Variants in MICALL1 observed in about 807,000 individuals in gnomAD.
MICALL1 encodes MICAL-like protein 1.
Under a neutral mutation model 83.7 loss-of-function variants are expected in MICALL1, and 61 were observed. That is an observed-to-expected ratio of 0.73 (90% CI 0.59 to 0.90). The LOEUF (loss-of-function observed/expected upper bound fraction) is 0.90. Ranked by LOEUF, MICALL1 falls within the 40% of genes least tolerant of loss-of-function variation. The pLI is 0.00. For missense variants in MICALL1, 1,066 were observed against 1,152.0 expected (o/e 0.93, Z 1.08); for synonymous variants, 481 against 473.6 (o/e 1.02, Z -0.20).
chr22:37,929,190 G>A (rs1418907870), intron 9 of MICALL1, among the ~76,000 whole-genome samples: 3 of 152,130 alleles, frequency 2.0e-5, no homozygotes, highest in Non-Finnish European at 4.4e-5. Context: ...TGGGCATTTT[G>A]GAAGGTGACC....
chr22:37,937,291 A>G, intron 14 of MICALL1, 97 bp downstream of exon 14: 1 of 1,046,822 alleles, frequency 9.6e-7, no homozygotes. Context: ...AGCCAAAGAC[A>G]CAGTCCACGC....
At chr22:37,908,099 G>A (rs1004708681) in intron 1 of MICALL1, among the ~76,000 whole-genome samples, 2 of 152,082 alleles carry the variant, frequency 1.3e-5, no homozygotes, top group African/African-American at 4.8e-5. Context: ...AATAAAGGCC[G>A]CCTGGTTTGT....
chr22:37,922,712 C>T (rs1319897777), intron 6 of MICALL1, among the ~76,000 whole-genome samples: 11 of 138,858 alleles, frequency 7.9e-5, no homozygotes, highest in Admixed American at 2.2e-4. Context: ...CGGGTTCAAG[C>T]GATTCTCCTG....
chr22:37,928,397 G>A (rs1333120116), intron 9 of MICALL1, among the ~76,000 whole-genome samples: 3 of 151,878 alleles, frequency 2.0e-5, no homozygotes, highest in African/African-American at 7.3e-5. Flanking sequence ...TAGTAGAGAC[G>A]GGGTTTCACC....
chr22:37,906,575 G>A lies in MICALL1; in HGVS notation c.146+7G>A. ...GGCACCGGCCCGACCTGCTGTGAGT[G>A]CGGGGCCCCGGGCGAGCGGGCGGCG... On this transcript the variant is annotated splice_region_variant and intron_variant, in intron 1 of 15. Coordinates refer to ENST00000215957, the MANE Select transcript of MICALL1 (RefSeq NM_033386.4). The surrounding 1 kb of genome is among the most constrained non-coding windows in gnomAD (Gnocchi z 4.4). 1 of 1,168,824 alleles carries A rather than the reference G, an allele frequency of 8.6e-7. No individual in the cohort carries two copies. Among genetic ancestry groups the A allele is most frequent in the Non-Finnish European group, 1.1e-6 (1 of 941,686 alleles). 72.4% of individuals were successfully genotyped at this position (1,168,824 alleles called of 1,614,324 possible).
intron 1 of MICALL1, among the ~76,000 whole-genome samples, chr22:37,910,260 G>A (rs1021088383): frequency 1.3e-5 from 2 of 152,132 alleles, no homozygotes; most frequent in African/African-American, 4.8e-5. Flanking sequence ...AAACATTTAC[G>A]GAGCATCTTC....
chr22:37,911,908 T>C, intron 1 of MICALL1, 44 bp from the exon 2 acceptor site: 1 of 1,605,462 alleles, frequency 6.2e-7, no homozygotes, highest in Non-Finnish European at 8.5e-7. Flanking sequence ...TATTTCCCAG[T>C]CACCTCCCCT....
At chr22:37,923,739 G>A (rs538258211) in intron 6 of MICALL1, among the ~76,000 whole-genome samples, 10 of 152,234 alleles carry the variant, frequency 6.6e-5, no homozygotes, top group South Asian at 4.2e-4. Flanking sequence ...GTGTGTCCCC[G>A]AGCTCTCTGG....
At position 37,930,963 on chromosome 22, in the gene MICALL1, T is replaced by C. The variant is rs73886204; in HGVS notation, c.1882-836T>C. 0.034 allele frequency among the ~76,000 whole-genome samples: 5,186 copies of C among 152,276 alleles called. 280 individuals are homozygous for C. Among genetic ancestry groups the C allele is most frequent in the African/African-American group, 0.11 (4,755 of 41,546 alleles). ...TAGCTCTGTCTTGCCTTAAACCCAA[T>C]GCCATTCTGTGCTTCTAGGGAAACC... On this transcript the variant is annotated intron_variant, in intron 9 of 15. Transcript: ENST00000215957. This position sits in a 1 kb window ranked among gnomAD's most constrained non-coding sequence, Gnocchi z 4.8.
chr22:37,922,165 G>A lies in MICALL1; in HGVS notation c.763G>A (p.Gly255Ser). 3 of 1,613,064 alleles carry A rather than the reference G, an allele frequency of 1.9e-6. No individual in the cohort carries two copies. Among genetic ancestry groups the A allele is most frequent in the Non-Finnish European group, 2.5e-6 (3 of 1,179,972 alleles). The change falls in exon 6 of 16, where the codon GGC becomes AGC. Residue 255 changes from glycine to serine, a missense_variant. By Grantham distance (56) the Gly-to-Ser change is moderately conservative (BLOSUM62 0). Coordinates refer to ENST00000215957, the MANE Select transcript of MICALL1 (RefSeq NM_033386.4). ...AGAAGATGCCAAGGATGTTCCAGGA[G>A]GCGGCCCCAGCTCCAGTGCTCCTGC... is the stretch of plus-strand genomic sequence containing the variant. ...LAEDAKDVPG[G>S]GPSSSAPAGA...
chr22:37,937,248 T>A, intron 14 of MICALL1, 54 bp downstream of exon 14: 5 of 1,397,224 alleles, frequency 3.6e-6, no homozygotes, highest in South Asian at 2.5e-5. Flanking sequence ...CAGGTCAGGC[T>A]CTGGGCCTCA....
At position 37,927,470 on chromosome 22, in the gene MICALL1, C is replaced by T. The variant is rs1460265016; in HGVS notation, c.1525C>T (p.Leu509Phe). The change falls in exon 9 of 16, where the codon CTC becomes TTC. Residue 509 changes from leucine (L) to phenylalanine (F), a missense_variant. Coordinates refer to ENST00000215957, the MANE Select transcript of MICALL1 (RefSeq NM_033386.4). Reference sequence around the variant, plus strand: ...GCCCTCGGCCACACCATCGCCAGCGCTCAGCGTGGAGAGCCTGTCGTCTGA... The same window carrying T: ...GCCCTCGGCCACACCATCGCCAGCGTTCAGCGTGGAGAGCCTGTCGTCTGA... ...EPPSATPSPALSVESLSSESA... is the reference protein window; with the variant it reads ...EPPSATPSPAFSVESLSSESA... The T allele has an allele frequency of 1.2e-6, 2 of 1,608,744 alleles. No individual in the cohort carries two copies. Among genetic ancestry groups the T allele is most frequent in the Admixed American group, 1.7e-5 (1 of 59,940 alleles).
chr22:37,909,332 G>GCGTGAGCCACCATGCCTGA (rs1928165726), intron 1 of MICALL1, among the ~76,000 whole-genome samples: 1 of 151,622 alleles, frequency 6.6e-6, no homozygotes, highest in Non-Finnish European at 1.5e-5. Flanking sequence ...GGGATTACAG[G>GCGTGAGCCACCATGCCTGA]CGTGAGCCAC....
chr22:37,924,995 T>C lies in MICALL1; in HGVS notation c.1082+278T>C, dbSNP rs528586868. 6.6e-6 allele frequency among the ~76,000 whole-genome samples: 1 copy of C among 152,260 alleles called. No homozygotes were observed. The highest frequency in any genetic ancestry group is 2.1e-4 in the South Asian group (1 of 4,828). On this transcript the variant is annotated intron_variant, in intron 7 of 15. Coordinates refer to ENST00000215957, the MANE Select transcript of MICALL1 (RefSeq NM_033386.4). This position sits in a 1 kb window ranked among gnomAD's most constrained non-coding sequence, Gnocchi z 5.2. Reference sequence around the variant, plus strand: ...TGCCTCTCCAGGCTCCTTTGCCCTGTAACATGGGAGGCCGAGGCTTGATTA... The same window carrying C: ...TGCCTCTCCAGGCTCCTTTGCCCTGCAACATGGGAGGCCGAGGCTTGATTA...
At position 37,924,763 on chromosome 22, in the gene MICALL1, G is replaced by A. The variant is rs755539505; in HGVS notation, c.1082+46G>A. On this transcript the variant is annotated intron_variant, in intron 7 of 15. Transcript: ENST00000215957. This position sits in a 1 kb window ranked among gnomAD's most constrained non-coding sequence, Gnocchi z 5.2. ...CTTTCCTGCTTTGGAGGTCCTGGTG[G>A]TGGGAATCAGGGTACTCTGGGGCCG... The A allele has an allele frequency of 6.3e-7, 1 of 1,595,914 alleles. No individual in the cohort carries two copies. The highest frequency in any genetic ancestry group is 1.7e-5 in the Admixed American group (1 of 59,182).
In MICALL1 at chr22:37,938,284, C is replaced by T. The variant is rs140952650; in HGVS notation, c.2470+492C>T. Among the ~76,000 whole-genome samples, 173 of 151,872 alleles carry T rather than the reference C, an allele frequency of 1.1e-3. 3 individuals are homozygous for T. Among genetic ancestry groups the T allele is most frequent in the African/African-American group, 4.0e-3 (166 of 41,446 alleles). ...AGGCGTGGTGGCGAGAGCTTGTAGTCCCAGCTACTCGGGAGGCTGGGGCAG... is the reference window on the plus strand; with the variant it reads ...AGGCGTGGTGGCGAGAGCTTGTAGTTCCAGCTACTCGGGAGGCTGGGGCAG... On this transcript the variant is annotated intron_variant, in intron 15 of 15. Transcript: ENST00000215957.
At chr22:37,928,896 G>T (rs935288920) in intron 9 of MICALL1, among the ~76,000 whole-genome samples, 1 of 152,202 alleles carries the variant, frequency 6.6e-6, no homozygotes, top group Non-Finnish European at 1.5e-5. Context: ...GCTGAGGCAG[G>T]CAGGTCACTT....
chr22:37,928,131 C>T (rs1929588009), intron 9 of MICALL1, among the ~76,000 whole-genome samples: 1 of 152,044 alleles, frequency 6.6e-6, no homozygotes, highest in Non-Finnish European at 1.5e-5. Flanking sequence ...TGGTCTCGAT[C>T]TCCTGACCTC....
At chr22:37,940,431 A>AT (rs1387306238) in intron 15 of MICALL1, among the ~76,000 whole-genome samples, 2 of 151,996 alleles carry the variant, frequency 1.3e-5, no homozygotes, top group Non-Finnish European at 2.9e-5. Flanking sequence ...AAAAAAAAAA[A>AT]GAATTCCCGG....
Sources: allele counts gnomAD v4.1 joint callset (sites outside exome capture counted in the v4.1 genomes callset), GRCh38; gene constraint gnomAD v4.1.1; non-coding constraint Gnocchi (gnomAD v3.1); transcripts MANE v1.5; gene names NCBI Gene and HGNC (gene_info 2026-07-23, HGNC 2026-07-21).